The following BACH2 variants were observed in gnomAD, a reference collection of about 807,000 sequenced individuals.
BACH2 encodes BACH transcriptional regulator 2, also known as transcription regulator protein BACH2.
Under a neutral mutation model 61.8 loss-of-function variants are expected in BACH2, and 5 were observed. The observed-to-expected ratio is 0.08, with a 90% CI of 0.04 to 0.17. The LOEUF (loss-of-function observed/expected upper bound fraction) is 0.17. BACH2 is among the 10% of genes least tolerant of loss of function. The pLI is 1.00. For missense variants in BACH2, 824 were observed against 1,091.1 expected (o/e 0.76, Z 3.45); for synonymous variants, 446 against 440.1 (o/e 1.01, Z -0.17).
chr6:90,045,213 G>A (rs909102667), intron 5 of BACH2, among the ~76,000 whole-genome samples: 1 of 152,092 alleles, frequency 6.6e-6, no homozygotes, highest in Non-Finnish European at 1.5e-5. Context: ...CCTTACATGC[G>A]CAGAAAAGCC....
At chr6:90,093,218 CA>C (rs1474677039) in intron 4 of BACH2, among the ~76,000 whole-genome samples, 1 of 152,154 alleles carries the variant, frequency 6.6e-6, no homozygotes, top group Non-Finnish European at 1.5e-5. Flanking sequence ...GTCTTGCTAA[CA>C]GTTTTACTGT....
intron 3 of BACH2, among the ~76,000 whole-genome samples, chr6:90,247,306 G>A (rs1047611160): frequency 2.0e-5 from 3 of 149,912 alleles, no homozygotes; most frequent in African/African-American, 7.4e-5. Flanking sequence ...GGTCATCATA[G>A]CTCATTGCAA....
At chr6:90,186,886 G>A (rs1279699133) in intron 4 of BACH2, among the ~76,000 whole-genome samples, 1 of 152,182 alleles carries the variant, frequency 6.6e-6, no homozygotes. Flanking sequence ...GCTGGAATTT[G>A]AACCCAGGTC....
At chr6:90,018,936 A>T (rs1046309361) in intron 5 of BACH2, among the ~76,000 whole-genome samples, 1 of 152,190 alleles carries the variant, frequency 6.6e-6, no homozygotes, top group African/African-American at 2.4e-5. Context: ...TAAGAAGACA[A>T]ATATTTTCTA....
chr6:90,028,867 GATCTGT>G (rs1432710863), intron 5 of BACH2, among the ~76,000 whole-genome samples: 1 of 152,182 alleles, frequency 6.6e-6, no homozygotes, highest in Non-Finnish European at 1.5e-5. Context: ...TCAGTTTCCT[GATCTGT>G]ACTAAAAGTA....
At chr6:90,115,427 C>T (rs763236045) in intron 4 of BACH2, among the ~76,000 whole-genome samples, 1 of 151,964 alleles carries the variant, frequency 6.6e-6, no homozygotes, top group Non-Finnish European at 1.5e-5. Context: ...GGGAAAAAGA[C>T]TCTATTCAAT....
At chr6:89,969,131 G>A (rs1398096442) in intron 6 of BACH2, among the ~76,000 whole-genome samples, 3 of 134,330 alleles carry the variant, frequency 2.2e-5, no homozygotes, top group African/African-American at 5.5e-5. Flanking sequence ...TTGGCTCACC[G>A]CAACCTCCGC....
chr6:90,171,475 T>C (rs947891291), intron 4 of BACH2, among the ~76,000 whole-genome samples: 1 of 150,476 alleles, frequency 6.6e-6, no homozygotes, highest in African/African-American at 2.4e-5. Context: ...AAATTACATA[T>C]CCATGTGCCC....
At chr6:90,181,645 A>C (rs2127841285) in intron 4 of BACH2, among the ~76,000 whole-genome samples, 2 of 152,222 alleles carry the variant, frequency 1.3e-5, no homozygotes, top group Middle Eastern at 3.4e-3. Flanking sequence ...GCACTGGCAC[A>C]ATCACAGCTC....
intron 1 of BACH2, among the ~76,000 whole-genome samples, chr6:90,296,112 C>A (rs1772365620): frequency 6.6e-6 from 1 of 152,132 alleles, no homozygotes; most frequent in East Asian, 1.9e-4. Flanking sequence ...CGGACGCGCG[C>A]CTCCTGCAGC....
rs1175535688 is a variant in BACH2 at position 89,970,474 on chromosome 6, TG to T, written c.244-18613del. The stretch of plus-strand genomic sequence containing the variant: ...AATTAGCACTATTAACAGAACAGAT[TG>T]GACACATTTATACATGCATTTGTAT... On this transcript the variant is annotated intron_variant, in intron 6 of 8. Transcript: ENST00000257749. Among the ~76,000 whole-genome samples the T allele has an allele frequency of 1.2e-4, 18 of 152,342 alleles. No individual in the cohort carries two copies. In the East Asian group the frequency reaches 2.9e-3, roughly 24 times the overall value.
intron 3 of BACH2, among the ~76,000 whole-genome samples, chr6:90,214,003 C>A (rs1265357378): frequency 1.3e-5 from 2 of 152,120 alleles, no homozygotes; most frequent in East Asian, 3.9e-4. Flanking sequence ...ACTTTTAGGT[C>A]AGCAAGGCAC....
chr6:89,932,902 A>AG lies in BACH2; in HGVS notation c.2044-13dup. On this transcript the variant is annotated splice_polypyrimidine_tract_variant and intron_variant, in intron 8 of 8. Transcript: ENST00000257749. Reference sequence around the variant, plus strand: ...TCTTTCTCACACACCTGGACAGTAGAGAAAAAAAGAGAAGGGTTGATCAAG... The same window carrying AG: ...TCTTTCTCACACACCTGGACAGTAGAGGAAAAAAAGAGAAGGGTTGATCAAG... The AG allele has an allele frequency of 6.4e-7, 1 of 1,551,284 alleles. No homozygotes were observed. Among genetic ancestry groups the AG allele is most frequent in the Non-Finnish European group, 8.7e-7 (1 of 1,144,540 alleles).
At chr6:90,055,872 A>G (rs1312101833) in intron 5 of BACH2, among the ~76,000 whole-genome samples, 1 of 152,194 alleles carries the variant, frequency 6.6e-6, no homozygotes, top group Non-Finnish European at 1.5e-5. Context: ...AGCCAAACTA[A>G]GCTTCATAAG....
At chr6:90,262,239 A>T (rs1035137045) in intron 2 of BACH2, among the ~76,000 whole-genome samples, 2 of 152,166 alleles carry the variant, frequency 1.3e-5, no homozygotes, top group East Asian at 3.8e-4. Context: ...TCATGCTTCT[A>T]TGGCCTTGTA....
At chr6:90,240,941 A>G (rs1016259548) in intron 3 of BACH2, among the ~76,000 whole-genome samples, 2 of 152,014 alleles carry the variant, frequency 1.3e-5, no homozygotes, top group African/African-American at 4.8e-5. Flanking sequence ...TCACTTGTCA[A>G]TATGAGGCTA....
chr6:90,058,129 T>G (rs868668464), intron 5 of BACH2, among the ~76,000 whole-genome samples: 1 of 152,080 alleles, frequency 6.6e-6, no homozygotes, highest in Non-Finnish European at 1.5e-5. Context: ...CCAGGGCAAT[T>G]AGGCAGGAGA....
chr6:89,948,481 TAC>T (rs1234105309), intron 7 of BACH2, among the ~76,000 whole-genome samples: 1 of 152,136 alleles, frequency 6.6e-6, no homozygotes, highest in African/African-American at 2.4e-5. Flanking sequence ...ATGCTAGGAT[TAC>T]AGGCCTGAGC....
intron 5 of BACH2, among the ~76,000 whole-genome samples, chr6:90,014,800 A>T (rs1259811637): frequency 1.3e-5 from 2 of 151,326 alleles, no homozygotes; most frequent in Admixed American, 6.6e-5. Context: ...TTTTAAAGAG[A>T]CAGTGTCTCA....
Sources: allele counts gnomAD v4.1 joint callset (sites outside exome capture counted in the v4.1 genomes callset), GRCh38; gene constraint gnomAD v4.1.1; transcripts MANE v1.5; gene names NCBI Gene and HGNC (gene_info 2026-07-23, HGNC 2026-07-21).